The following ATP6V1B2 variants were observed in gnomAD, a reference collection of about 807,000 sequenced individuals.
ATP6V1B2 encodes V-type proton ATPase subunit B, brain isoform.
Under a neutral mutation model 66.7 loss-of-function variants are expected in ATP6V1B2, and 23 were observed. The observed-to-expected ratio is 0.34, with a 90% CI of 0.25 to 0.49. The LOEUF (loss-of-function observed/expected upper bound fraction) is 0.49, where lower values mean the gene tolerates loss of function less well. Among genes scored for constraint, ATP6V1B2 ranks in the 20% least tolerant of loss-of-function variants. The probability of loss-of-function intolerance (pLI) is 0.99; values close to 1 mark genes in which losing one functional copy is unlikely to be tolerated. For missense variants in ATP6V1B2, 478 were observed against 650.8 expected (o/e 0.73, Z 2.89); for synonymous variants, 278 against 236.7 (o/e 1.17, Z -1.60).
chr8:20,212,679 C>G (rs2072807159), intron 8 of ATP6V1B2, 103 bp from the exon 9 acceptor site: 3 of 1,485,622 alleles, frequency 2.0e-6, no homozygotes, highest in Non-Finnish European at 2.7e-6. Flanking sequence ...TCATTTAAAA[C>G]TTTAAAAGGG....
intron 2 of ATP6V1B2, among the ~76,000 whole-genome samples, chr8:20,205,204 TTTTCTATATTC>T (rs2072726359): frequency 6.6e-6 from 1 of 152,190 alleles, no homozygotes; most frequent in Non-Finnish European, 1.5e-5. Flanking sequence ...ATTTTAATTG[TTTTCTATATTC>T]TTTGTGAAAT....
At chr8:20,203,989 C>G (rs1480856484) in intron 1 of ATP6V1B2, 1 of 455,840 alleles carries the variant, frequency 2.2e-6, no homozygotes, top group East Asian at 6.9e-5. Context: ...TCCTTTGTGA[C>G]TTTTGTCACT....
At chr8:20,208,121 C>T (rs1397436094) in intron 2 of ATP6V1B2, among the ~76,000 whole-genome samples, 4 of 151,972 alleles carry the variant, frequency 2.6e-5, no homozygotes, top group East Asian at 1.9e-4. Context: ...TAATAAGGTT[C>T]CTTTGCAGAG....
Position 20,220,420 on chromosome 8 carries a change from C to T in ATP6V1B2, c.*18C>T, listed in dbSNP as rs746411083. ...AGCATTAGCTGCTGCTTCTGCATTGCTCCGCGCTCTTGTGAAATACTGGTT... is the reference window on the plus strand; with the variant it reads ...AGCATTAGCTGCTGCTTCTGCATTGTTCCGCGCTCTTGTGAAATACTGGTT... On this transcript the variant is annotated 3_prime_UTR_variant, in exon 14 of 14. Transcript: ENST00000276390. The T allele has an allele frequency of 6.5e-7, 1 of 1,542,834 alleles. No homozygotes were observed. The highest frequency in any genetic ancestry group is 2.3e-5 in the Admixed American group (1 of 43,256).
intron 11 of ATP6V1B2, chr8:20,216,926 A>T: frequency 3.2e-6 from 1 of 316,384 alleles, no homozygotes; most frequent in East Asian, 5.7e-5. Flanking sequence ...TTGACTCGAT[A>T]ATGTGGTAGT....
At chr8:20,202,040 G>A (rs533571920) in intron 1 of ATP6V1B2, among the ~76,000 whole-genome samples, 106 of 152,174 alleles carry the variant, frequency 7.0e-4, no homozygotes, top group Non-Finnish European at 1.4e-3. Flanking sequence ...GAGCCCTCAT[G>A]ACCCATTCCC....
chr8:20,217,597 A>T (rs1235825718), intron 12 of ATP6V1B2, among the ~76,000 whole-genome samples: 3 of 152,182 alleles, frequency 2.0e-5, no homozygotes, highest in Admixed American at 2.0e-4. Context: ...TAAATTTTTT[A>T]TTAGCAATTT....
intron 1 of ATP6V1B2, among the ~76,000 whole-genome samples, chr8:20,198,870 G>T (rs1010139281): frequency 6.6e-6 from 1 of 152,212 alleles, no homozygotes; most frequent in African/African-American, 2.4e-5. Flanking sequence ...TATCTGAGCT[G>T]AAGTAGCTAC....
chr8:20,204,671 C>G (rs1356339545), intron 2 of ATP6V1B2, 132 bp downstream of exon 2: 1 of 683,506 alleles, frequency 1.5e-6, no homozygotes, highest in African/African-American at 1.9e-5. Context: ...GTCTAAAGCC[C>G]AGATACCATG....
At chr8:20,203,138 T>C (rs2072703299) in intron 1 of ATP6V1B2, among the ~76,000 whole-genome samples, 1 of 152,194 alleles carries the variant, frequency 6.6e-6, no homozygotes, top group Non-Finnish European at 1.5e-5. Flanking sequence ...GAATGATTAA[T>C]CCTTTCACAT....
rs1405004495 is a variant in ATP6V1B2 at position 20,197,444 on chromosome 8, C to T, written c.38C>T (p.Ala13Val). Residue 13 changes from alanine to valine, a missense_variant, in exon 1 of 14, where the codon GCC becomes GTC. By Grantham distance (64) the Ala-to-Val change is moderately conservative. Around this residue, in one of 2 missense-constraint regions of ATP6V1B2, gnomAD observed 152 missense variants for 105.2 expected, o/e 1.44. Transcript: ENST00000276390. ...LRAMRGIVNG[A>V]APELPVPTGG... ...GCGATGCGGGGGATTGTCAACGGGGCCGCACCCGAGCTACCCGTGCCCACC... is the reference window on the plus strand; with the variant it reads ...GCGATGCGGGGGATTGTCAACGGGGTCGCACCCGAGCTACCCGTGCCCACC... The T allele has an allele frequency of 1.9e-6, 3 of 1,541,444 alleles. No individual in the cohort carries two copies. The highest frequency in any genetic ancestry group is 2.8e-5 in the African/African-American group (2 of 70,288).
chr8:20,202,599 G>A (rs755943600), intron 1 of ATP6V1B2, among the ~76,000 whole-genome samples: 4 of 152,154 alleles, frequency 2.6e-5, no homozygotes, highest in African/African-American at 7.2e-5. Context: ...GCTATGACTA[G>A]TGTTTCTTTT....
Position 20,209,624 on chromosome 8 carries a change from T to G in ATP6V1B2, c.291+93T>G, listed in dbSNP as rs17092158. On this transcript the variant is annotated intron_variant, in intron 3 of 13. Transcript: ENST00000276390. ...TTCTGTGATGATCATTGCATAAGTGTTTTTAGAGTCTTTAGAGATTGGTTA... is the reference window on the plus strand; with the variant it reads ...TTCTGTGATGATCATTGCATAAGTGGTTTTAGAGTCTTTAGAGATTGGTTA... 0.039 allele frequency: 47,378 copies of G among 1,201,162 alleles called. 1,242 individuals are homozygous for G. Among genetic ancestry groups the G allele is most frequent in the East Asian group, 0.11 (4,653 of 41,200 alleles). 74.4% of individuals were successfully genotyped at this position (1,201,162 alleles called of 1,614,324 possible).
rs147213687 is a variant in ATP6V1B2 at position 20,197,411 on chromosome 8, C to T, written c.5C>T (p.Ala2Val). 7.8e-6 allele frequency: 12 copies of T among 1,540,008 alleles called. No individual in the cohort carries two copies. In the African/African-American group the frequency reaches 8.5e-5, roughly 11 times the overall value. Reference protein sequence around the residue: MALRAMRGIVNG... With the variant: MVLRAMRGIVNG... ...AGTCGGGACAGAGGAGACAAGATGG[C>T]GCTGCGGGCGATGCGGGGGATTGTC... Residue 2 changes from alanine to valine, a missense_variant, in exon 1 of 14, where the codon GCG becomes GTG. Coordinates refer to ENST00000276390, the MANE Select transcript of ATP6V1B2 (RefSeq NM_001693.4).
At position 20,211,636 on chromosome 8, in the gene ATP6V1B2, C is replaced by G; in HGVS notation, c.604-16C>G. The G allele has an allele frequency of 1.9e-6, 3 of 1,590,196 alleles. No individual in the cohort carries two copies. The highest frequency in any genetic ancestry group is 2.6e-6 in the Non-Finnish European group (3 of 1,171,150). On this transcript the variant is annotated splice_polypyrimidine_tract_variant and intron_variant, in intron 6 of 13. Transcript: ENST00000276390. ...TATTTTAGATTTCAACTGAATTCTT[C>G]TACTTTGTTCATCAGATTGCAGCTC...
intron 7 of ATP6V1B2, 60 bp downstream of exon 7, chr8:20,211,813 TGTA>T: frequency 1.5e-6 from 2 of 1,298,958 alleles, no homozygotes; most frequent in Non-Finnish European, 1.1e-6. Flanking sequence ...GTGAGAACAT[TGTA>T]GTAAGCTGTA....
chr8:20,209,319 G>T, intron 2 of ATP6V1B2, 114 bp from the exon 3 acceptor site: 2 of 1,026,120 alleles, frequency 1.9e-6, no homozygotes, highest in Non-Finnish European at 2.9e-6. Flanking sequence ...ACCTGTGTCT[G>T]TGAAGAGTAG....
At chr8:20,213,138 T>G in intron 9 of ATP6V1B2, 1 of 471,606 alleles carries the variant, frequency 2.1e-6, no homozygotes, top group East Asian at 4.5e-5. Flanking sequence ...ACTATCTCCA[T>G]GGATTAAGAA....
intron 10 of ATP6V1B2, chr8:20,215,208 G>A: frequency 2.8e-6 from 1 of 357,150 alleles, no homozygotes; most frequent in Non-Finnish European, 5.1e-6. Flanking sequence ...TTGAGTGCCT[G>A]CTGTTTGCAG....
Sources: allele counts gnomAD v4.1 joint callset (sites outside exome capture counted in the v4.1 genomes callset), GRCh38; gene constraint gnomAD v4.1.1; regional missense constraint gnomAD v4.1.1; transcripts MANE v1.5; gene names NCBI Gene and HGNC (gene_info 2026-07-23, HGNC 2026-07-21).